Variants in MTUS2 observed in about 807,000 individuals in gnomAD.
The protein encoded by MTUS2 is microtubule associated scaffold protein 2.
MTUS2 carries 40 observed loss-of-function variants against 114.1 expected under a neutral mutation model. The observed-to-expected ratio is 0.35, with a 90% confidence interval of 0.27 to 0.46. The LOEUF (loss-of-function observed/expected upper bound fraction) is 0.46, where lower values mean the gene tolerates loss of function less well. MTUS2 is among the 20% of genes least tolerant of loss of function. The pLI is 1.00. For missense variants in MTUS2, 1,679 were observed against 1,705.4 expected (o/e 0.98, Z 0.27); for synonymous variants, 688 against 672.0 (o/e 1.02, Z -0.37).
intron 9 of MTUS2, among the ~76,000 whole-genome samples, chr13:29,441,672 A>G (rs773965636): frequency 2.2e-4 from 33 of 152,236 alleles, no homozygotes; most frequent in Non-Finnish European, 2.9e-4. Flanking sequence ...GCCCAATGCC[A>G]GGGACTGTTT....
chr13:29,090,759 A>G, intron 4 of MTUS2, among the ~76,000 whole-genome samples: 1 of 152,244 alleles, frequency 6.6e-6, no homozygotes, highest in East Asian at 1.9e-4. Flanking sequence ...CTGGTAGCTA[A>G]TGAAGGCTAA....
chr13:29,407,878 A>G (rs765601579), intron 8 of MTUS2, among the ~76,000 whole-genome samples: 13 of 152,098 alleles, frequency 8.5e-5, no homozygotes, highest in South Asian at 2.1e-4. Context: ...ACTTTTGCCA[A>G]TCTGTTGGTT....
chr13:29,204,676 C>T (rs1895107320), intron 5 of MTUS2, among the ~76,000 whole-genome samples: 1 of 152,210 alleles, frequency 6.6e-6, no homozygotes, highest in African/African-American at 2.4e-5. Context: ...CTGGGGCCAG[C>T]CCAGAAACCA....
intron 8 of MTUS2, among the ~76,000 whole-genome samples, chr13:29,436,940 T>C (rs1204128622): frequency 6.6e-6 from 1 of 152,096 alleles, no homozygotes; most frequent in Non-Finnish European, 1.5e-5. Context: ...TTCACCAAAG[T>C]GATACAAGTC....
intron 10 of MTUS2, among the ~76,000 whole-genome samples, chr13:29,486,585 C>A (rs141662022): frequency 3.3e-5 from 5 of 152,190 alleles, no homozygotes; most frequent in Non-Finnish European, 7.4e-5. Context: ...GACCAGTGCA[C>A]ATTTTCTAGT....
At chr13:29,078,542 G>T (rs1472474673) in intron 4 of MTUS2, among the ~76,000 whole-genome samples, 1 of 152,180 alleles carries the variant, frequency 6.6e-6, no homozygotes, top group Non-Finnish European at 1.5e-5. Flanking sequence ...CAATTTAGTG[G>T]TTTTTAGTAT....
chr13:29,500,436 C>T (rs1306489009), intron 14 of MTUS2, among the ~76,000 whole-genome samples: 2 of 152,184 alleles, frequency 1.3e-5, no homozygotes, highest in Non-Finnish European at 1.5e-5. Flanking sequence ...AGGTCTCAGG[C>T]CCTCGAGGAC....
At chr13:28,857,317 A>G (rs1353525301) in intron 2 of MTUS2, among the ~76,000 whole-genome samples, 8 of 152,208 alleles carry the variant, frequency 5.3e-5, no homozygotes, top group Non-Finnish European at 1.0e-4. Flanking sequence ...TAAAAATCTG[A>G]AAGGCTAAAG....
At position 29,025,632 on chromosome 13, in the gene MTUS2, C is replaced by T; in HGVS notation, c.934C>T (p.Leu312=). 1 of 1,614,028 alleles carries T rather than the reference C, an allele frequency of 6.2e-7. No homozygotes were observed. The highest frequency in any genetic ancestry group is 8.5e-7 in the Non-Finnish European group (1 of 1,179,904). The change falls in exon 3 of 16, where the codon CTG becomes TTG. Residue 312 remains leucine (L), a synonymous_variant. Transcript: ENST00000612955. ...GGGAAAGGGAGAGGCCAAGCTGGAT[C>T]TGAAATATGTTCCTCCCAGGAGAGT... ...GQGKGEAKLD[L]KYVPPRRVEQ... is the part of the protein sequence containing the mutation.
chr13:28,926,927 G>A (rs1881357823), intron 2 of MTUS2, among the ~76,000 whole-genome samples: 1 of 152,096 alleles, frequency 6.6e-6, no homozygotes, highest in South Asian at 2.1e-4. Context: ...TTTTTATTTT[G>A]ATGTGTGTTT....
intron 7 of MTUS2, among the ~76,000 whole-genome samples, chr13:29,356,953 G>A (rs943280836): frequency 4.6e-5 from 7 of 152,186 alleles, no homozygotes; most frequent in African/African-American, 1.7e-4. Flanking sequence ...AAAAGTGGGT[G>A]TTGTCAGAGG....
intron 8 of MTUS2, among the ~76,000 whole-genome samples, chr13:29,418,083 T>TA (rs1276960562): frequency 1.3e-5 from 2 of 152,188 alleles, no homozygotes; most frequent in African/African-American, 4.8e-5. Context: ...CTGACCTCCG[T>TA]AAGCCCCTGC....
chr13:29,187,575 C>G (rs1331529460), intron 5 of MTUS2, among the ~76,000 whole-genome samples: 1 of 152,030 alleles, frequency 6.6e-6, no homozygotes, highest in Admixed American at 6.6e-5. Context: ...AGGTTCTGCC[C>G]CATAGTTTGT....
intron 1 of MTUS2, among the ~76,000 whole-genome samples, chr13:28,839,478 G>T (rs1242904866): frequency 6.6e-6 from 1 of 152,100 alleles, no homozygotes; most frequent in East Asian, 1.9e-4. Context: ...TCAGTTTTCA[G>T]ATCATTAACT....
intron 10 of MTUS2, among the ~76,000 whole-genome samples, chr13:29,487,104 GC>G (rs1881671063): frequency 6.6e-6 from 1 of 152,216 alleles, no homozygotes. Context: ...GGAGGCAGCA[GC>G]CCTTCCCAGG....
rs191046134 is a variant in MTUS2, at chr13:29,129,448, C to T, written c.2644+28478C>T. 6.0e-3 allele frequency among the ~76,000 whole-genome samples: 919 copies of T among 152,246 alleles called. 10 individuals carry two copies. Among genetic ancestry groups the T allele is most frequent in the African/African-American group, 0.021 (879 of 41,538 alleles). On this transcript the variant is annotated intron_variant, in intron 5 of 15. Transcript: ENST00000612955. ...TGATCTTTCCACTTAGAATATGTTT[C>T]CCAAGCAAATCTACCTTGTCTTCTT... is the stretch of plus-strand genomic sequence containing the variant.
intron 2 of MTUS2, among the ~76,000 whole-genome samples, chr13:28,991,247 A>G (rs1884837783): frequency 6.6e-6 from 1 of 152,170 alleles, no homozygotes; most frequent in Admixed American, 6.5e-5. Flanking sequence ...ATAGAATGTG[A>G]ATAAACATCA....
chr13:28,982,319 T>C (rs1440231857), intron 2 of MTUS2, among the ~76,000 whole-genome samples: 1 of 150,998 alleles, frequency 6.6e-6, no homozygotes, highest in Non-Finnish European at 1.5e-5. Context: ...GAGCTACTAC[T>C]TCACACCTAT....
chr13:29,255,942 G>C (rs561278799), intron 5 of MTUS2, among the ~76,000 whole-genome samples: 8 of 152,264 alleles, frequency 5.3e-5, no homozygotes, highest in African/African-American at 1.9e-4. Context: ...ATCTGGCCTG[G>C]TTCAAATGAC....
Sources: allele counts gnomAD v4.1 joint callset (sites outside exome capture counted in the v4.1 genomes callset), GRCh38; gene constraint gnomAD v4.1.1; transcripts MANE v1.5; gene names NCBI Gene and HGNC (gene_info 2026-07-23, HGNC 2026-07-21).